The following CENPP variants were observed in gnomAD, a reference collection of about 807,000 sequenced individuals.
CENPP encodes the protein centromere protein P.
Under a neutral mutation model 35.6 loss-of-function variants are expected in CENPP, and 24 were observed. That is an observed-to-expected ratio of 0.67 (90% CI 0.49 to 0.95). The LOEUF (loss-of-function observed/expected upper bound fraction) is 0.95. Among genes scored for constraint, CENPP ranks in the 40% least tolerant of loss-of-function variants. CENPP has a pLI of 0.00. For synonymous variants in CENPP, 120 were observed against 125.5 expected (o/e 0.96, Z 0.29); for missense variants, 332 against 345.3 (o/e 0.96, Z 0.31).
At chr9:92,522,819 T>G (rs1848161732) in intron 5 of CENPP, 1 of 1,611,612 alleles carries the variant, frequency 6.2e-7, no homozygotes, top group Non-Finnish European at 8.5e-7. Context: ...CAAAGTCAGT[T>G]TGAAAAATGA....
chr9:92,471,704 T>C lies in CENPP; in HGVS notation c.564+91845T>C, dbSNP rs192459615. ...TTTAACTTGAGACAGTCTTGCTCTGTCGCCCCGGCTGGAGTGCAGTGGCGC... is the reference window on the plus strand; with the variant it reads ...TTTAACTTGAGACAGTCTTGCTCTGCCGCCCCGGCTGGAGTGCAGTGGCGC... On this transcript the variant is annotated intron_variant, in intron 5 of 7. Transcript: ENST00000375587. 3.3e-5 allele frequency among the ~76,000 whole-genome samples: 5 copies of C among 151,532 alleles called. No individual in the cohort carries two copies. In the East Asian group the frequency reaches 7.8e-4, roughly 24 times the overall value.
At chr9:92,566,261 T>A (rs1006513216) in intron 5 of CENPP, among the ~76,000 whole-genome samples, 1 of 151,214 alleles carries the variant, frequency 6.6e-6, no homozygotes, top group East Asian at 1.9e-4. Flanking sequence ...GATTGCGCCA[T>A]TGCACTCCAG....
chr9:92,618,004 C>T lies in CENPP; in HGVS notation c.*4855C>T. ...TAGTCTAGGGATCTAAATTTAGTCT[C>T]AGGTCTACCAGGTATCTCAAGACGC... On this transcript the variant is annotated 3_prime_UTR_variant, in exon 8 of 8. Transcript: ENST00000375587. 2.9e-6 allele frequency: 1 copy of T among 343,136 alleles called. No homozygotes were observed. Among genetic ancestry groups the T allele is most frequent in the Non-Finnish European group, 5.8e-6 (1 of 172,852 alleles). 21.3% of individuals were successfully genotyped at this position (343,136 alleles called of 1,614,324 possible).
chr9:92,545,562 C>A (rs1849418497), intron 5 of CENPP, among the ~76,000 whole-genome samples: 1 of 152,232 alleles, frequency 6.6e-6, no homozygotes, highest in Non-Finnish European at 1.5e-5. Flanking sequence ...GCCCGAGCCT[C>A]CCCGACGAGC....
intron 5 of CENPP, among the ~76,000 whole-genome samples, chr9:92,428,273 G>T (rs900569739): frequency 5.3e-5 from 8 of 152,298 alleles, no homozygotes; most frequent in Admixed American, 5.2e-4. Context: ...GTGTAAGCCA[G>T]AAGTTTGGGA....
intron 5 of CENPP, among the ~76,000 whole-genome samples, chr9:92,490,066 A>AC (rs1483604205): frequency 6.6e-6 from 1 of 152,228 alleles, no homozygotes; most frequent in Non-Finnish European, 1.5e-5. Context: ...CTTCCTGCTC[A>AC]CCAGTTTCCT....
intron 1 of CENPP, 75 bp from the exon 2 acceptor site, chr9:92,332,095 T>C (rs930223536): frequency 1.1e-5 from 10 of 931,048 alleles, no homozygotes; most frequent in African/African-American, 1.7e-5. Context: ...ATGGGAATGC[T>C]TTGAGGAAAA....
intron 5 of CENPP, among the ~76,000 whole-genome samples, chr9:92,599,413 GT>G (rs1850856088): frequency 6.6e-6 from 1 of 151,652 alleles, no homozygotes; most frequent in Non-Finnish European, 1.5e-5. Context: ...TGTTTTGTTT[GT>G]TTTTGTTTTT....
chr9:92,602,466 T>C (rs1419633506), intron 5 of CENPP, among the ~76,000 whole-genome samples: 1 of 152,050 alleles, frequency 6.6e-6, no homozygotes, highest in Non-Finnish European at 1.5e-5. Context: ...TCCATGGGGC[T>C]CCAAACCTGG....
rs1180553092 is a variant in CENPP at position 92,533,315 on chromosome 9, AAAAAAAAAAAAAAATATATATATAT to A, written c.565-77997_565-77973del. ...ACTCGGTCTCAAACAAAAAAAAAAAAAAAAAAAAAAAAAATATATATATATATATATATATATATATATGCTTTGG... is the reference window on the plus strand; with the variant it reads ...ACTCGGTCTCAAACAAAAAAAAAAAAATATATATATATATATATGCTTTGG... On this transcript the variant is annotated intron_variant, in intron 5 of 7. Coordinates refer to ENST00000375587, the MANE Select transcript of CENPP (RefSeq NM_001012267.3). Among the ~76,000 whole-genome samples the A allele has an allele frequency of 1.5e-3, 147 of 101,366 alleles. 3 individuals are homozygous for A. The highest frequency in any genetic ancestry group is 5.3e-3 in the African/African-American group (134 of 25,444). 66.5% of individuals were successfully genotyped at this position (101,366 alleles called of 152,430 possible).
chr9:92,495,776 T>C, intron 5 of CENPP: 1 of 947,696 alleles, frequency 1.1e-6, no homozygotes, highest in Non-Finnish European at 1.3e-6. Flanking sequence ...ATGTAATTAA[T>C]GGAAGAAATG....
In CENPP at chr9:92,482,910, CT is replaced by C. The variant is rs879563479; in HGVS notation, c.564+103065del. On this transcript the variant is annotated intron_variant, in intron 5 of 7. Coordinates refer to ENST00000375587, the MANE Select transcript of CENPP (RefSeq NM_001012267.3). ...ATTGCATTATGCATACTTCTCCAGA[CT>C]TTTTTTTTTTTTTAAGCTTTTAGCA... 3.1e-3 allele frequency among the ~76,000 whole-genome samples: 434 copies of C among 141,302 alleles called. 1 individual carries two copies. The highest frequency in any genetic ancestry group is 7.3e-3 in the Middle Eastern group (2 of 274). 92.7% of individuals were successfully genotyped at this position (141,302 alleles called of 152,430 possible). A position where few individuals can be genotyped will look rare whatever the true frequency, so the allele number is the denominator to read the frequency against.
intron 5 of CENPP, chr9:92,517,706 G>A (rs749619987): frequency 6.2e-7 from 1 of 1,614,124 alleles, no homozygotes; most frequent in Non-Finnish European, 8.5e-7. Context: ...AGCAGACCGG[G>A]CAGCATTCCC....
intron 5 of CENPP, chr9:92,501,154 T>C: frequency 8.3e-7 from 1 of 1,199,888 alleles, no homozygotes; most frequent in South Asian, 1.5e-5. Flanking sequence ...CATTTTCCTA[T>C]AAGCACCCAG....
chr9:92,350,081 A>G (rs1841404983), intron 4 of CENPP, among the ~76,000 whole-genome samples: 1 of 152,234 alleles, frequency 6.6e-6, no homozygotes, highest in Non-Finnish European at 1.5e-5. Context: ...ATGGTCACCT[A>G]ATTTTAGATG....
chr9:92,430,882 G>A (rs1306725915), intron 5 of CENPP, among the ~76,000 whole-genome samples: 2 of 151,968 alleles, frequency 1.3e-5, no homozygotes, highest in Non-Finnish European at 1.5e-5. Flanking sequence ...TGCACCCTCC[G>A]CCTCCTGAGT....
intron 5 of CENPP, chr9:92,404,697 A>T (rs1472431883): frequency 8.1e-7 from 1 of 1,232,604 alleles, no homozygotes; most frequent in East Asian, 6.5e-5. Context: ...GGTGAAATGC[A>T]GTGTGTTGTA....
chr9:92,489,634 A>G (rs187728941), intron 5 of CENPP, among the ~76,000 whole-genome samples: 10 of 152,078 alleles, frequency 6.6e-5, no homozygotes, highest in Admixed American at 3.9e-4. Context: ...TCTTATGATG[A>G]GATGTCATTT....
chr9:92,533,328 A>AAAAAAAAAAAAAAAATATATAT (rs1554683138), intron 5 of CENPP, among the ~76,000 whole-genome samples: 1 of 38,332 alleles, frequency 2.6e-5, no homozygotes, highest in Admixed American at 3.4e-4. Context: ...AAAAAAAAAA[A>AAAAAAAAAAAAAAAATATATAT]ATATATATAT....
Sources: allele counts gnomAD v4.1 joint callset (sites outside exome capture counted in the v4.1 genomes callset), GRCh38; gene constraint gnomAD v4.1.1; transcripts MANE v1.5; gene names NCBI Gene and HGNC (gene_info 2026-07-23, HGNC 2026-07-21).